CA10: variants seen among roughly 807,000 people sequenced by gnomAD.
The protein encoded by CA10 is carbonic anhydrase 10 (inactive), also known as carbonic anhydrase-related protein 10.
In CA10, 14 loss-of-function variants were observed where a neutral mutation model predicts 44.2. The observed-to-expected ratio is 0.32, with a 90% CI of 0.21 to 0.50. The LOEUF is 0.50. Among genes scored for constraint, CA10 ranks in the 20% least tolerant of loss-of-function variants. CA10 has a pLI of 0.99. For missense variants in CA10, 350 were observed against 409.7 expected (o/e 0.85, Z 1.26); for synonymous variants, 159 against 141.6 (o/e 1.12, Z -0.87).
chr17:51,705,869 G>C (rs562790821), intron 4 of CA10, among the ~76,000 whole-genome samples: 2 of 152,150 alleles, frequency 1.3e-5, no homozygotes, highest in South Asian at 4.2e-4. Context: ...TTTGACCAGG[G>C]GTCTCTGCCA....
At position 52,009,113 on chromosome 17, in the gene CA10, C is replaced by A. The variant is rs549711332; in HGVS notation, c.136+63206G>T. ...AAAGACACTACAAGTCTAAATCTCA[C>A]TCCTTCAAGAGTCAGCCTCCCTCTA... On this transcript the variant is annotated intron_variant, in intron 2 of 8. Transcript: ENST00000451037. 2.0e-5 allele frequency among the ~76,000 whole-genome samples: 3 copies of A among 152,090 alleles called. No homozygotes were observed. In the East Asian group the frequency reaches 5.8e-4, roughly 30 times the overall value.
intron 6 of CA10, among the ~76,000 whole-genome samples, chr17:51,639,652 C>A (rs977623595): frequency 6.6e-6 from 1 of 152,212 alleles, no homozygotes; most frequent in African/African-American, 2.4e-5. Context: ...CATTTTCACT[C>A]CCCACTGTGT....
At chr17:51,851,326 G>A (rs1426865369) in intron 3 of CA10, among the ~76,000 whole-genome samples, 1 of 152,158 alleles carries the variant, frequency 6.6e-6, no homozygotes, top group African/African-American at 2.4e-5. Context: ...CCTGCTCCTG[G>A]ATGAGGACAT....
chr17:51,741,531 G>A (rs1329541856), intron 4 of CA10, among the ~76,000 whole-genome samples: 4 of 152,092 alleles, frequency 2.6e-5, no homozygotes, highest in African/African-American at 7.2e-5. Flanking sequence ...AGTGAATGGA[G>A]GCAACATACT....
At position 52,055,627 on chromosome 17, in the gene CA10, T is replaced by C. The variant is rs77603886; in HGVS notation, c.136+16692A>G. Among the ~76,000 whole-genome samples, 706 of 152,254 alleles carry C rather than the reference T, an allele frequency of 4.6e-3. 4 individuals are homozygous for C. The highest frequency in any genetic ancestry group is 0.01 in the Middle Eastern group (3 of 294). ...ATGTATTGTGAAACTGATATATTAT[T>C]GTGTGATATATTATAAAAAGTCCTA... On this transcript the variant is annotated intron_variant, in intron 2 of 8. Transcript: ENST00000451037.
At chr17:52,041,631 A>G (rs1225333774) in intron 2 of CA10, among the ~76,000 whole-genome samples, 3 of 152,126 alleles carry the variant, frequency 2.0e-5, no homozygotes, top group African/African-American at 7.2e-5. Context: ...AAAGTATACA[A>G]TATGATATTA....
chr17:51,974,348 C>A (rs1470435035), intron 2 of CA10, among the ~76,000 whole-genome samples: 3 of 148,414 alleles, frequency 2.0e-5, no homozygotes, highest in Non-Finnish European at 4.4e-5. Flanking sequence ...CACGTCACTG[C>A]ACTCCAGCCT....
intron 2 of CA10, among the ~76,000 whole-genome samples, chr17:51,959,209 C>CTT (rs112948472): frequency 1.5e-4 from 18 of 122,272 alleles, no homozygotes; most frequent in African/African-American, 2.4e-4. Context: ...GGAAGACATT[C>CTT]TTTTTTTTTT....
At chr17:51,690,018 G>A (rs1449986819) in intron 4 of CA10, among the ~76,000 whole-genome samples, 1 of 151,742 alleles carries the variant, frequency 6.6e-6, no homozygotes, top group Non-Finnish European at 1.5e-5. Context: ...CATGATCTTG[G>A]CTCACTGCAA....
At chr17:52,079,953 G>A (rs1315899203) in intron 1 of CA10, among the ~76,000 whole-genome samples, 2 of 152,164 alleles carry the variant, frequency 1.3e-5, no homozygotes, top group Admixed American at 6.5e-5. Context: ...AGGACACTCA[G>A]AACATTGAGA....
chr17:51,633,430 CTG>C, intron 8 of CA10, 44 bp downstream of exon 8: 1 of 1,559,596 alleles, frequency 6.4e-7, no homozygotes, highest in Non-Finnish European at 8.7e-7. Context: ...AGCAGAAAGA[CTG>C]AGCTCTAGCC....
chr17:52,096,012 G>A (rs1184409394), intron 1 of CA10, among the ~76,000 whole-genome samples: 3 of 152,090 alleles, frequency 2.0e-5, no homozygotes, highest in Non-Finnish European at 4.4e-5. Context: ...GTTTCAATTT[G>A]TTGAACCTTT....
chr17:51,723,758 C>T (rs964740976), intron 4 of CA10, among the ~76,000 whole-genome samples: 4 of 152,204 alleles, frequency 2.6e-5, no homozygotes, highest in African/African-American at 9.6e-5. Flanking sequence ...CTGCTGCATG[C>T]GCTGTGCAAT....
At chr17:51,775,451 G>A (rs1482045414) in intron 3 of CA10, among the ~76,000 whole-genome samples, 3 of 152,128 alleles carry the variant, frequency 2.0e-5, no homozygotes, top group Non-Finnish European at 2.9e-5. Flanking sequence ...GCCATGCAGG[G>A]TACAAGGGGG....
At chr17:51,835,763 G>T (rs1243876183) in intron 3 of CA10, among the ~76,000 whole-genome samples, 1 of 152,164 alleles carries the variant, frequency 6.6e-6, no homozygotes, top group Non-Finnish European at 1.5e-5. Flanking sequence ...TATAACACCT[G>T]CCTTTGATTT....
At chr17:52,084,352 G>C (rs761860906) in intron 1 of CA10, among the ~76,000 whole-genome samples, 3 of 152,066 alleles carry the variant, frequency 2.0e-5, no homozygotes, top group Non-Finnish European at 4.4e-5. Context: ...CCTTCATTCT[G>C]ATTCTGATCC....
chr17:52,017,426 T>G (rs1406184568), intron 2 of CA10, among the ~76,000 whole-genome samples: 1 of 152,128 alleles, frequency 6.6e-6, no homozygotes, highest in East Asian at 1.9e-4. Context: ...GGATCTGGAA[T>G]AAAGTTTACC....
chr17:52,065,206 C>T (rs2143109291), intron 2 of CA10, among the ~76,000 whole-genome samples: 1 of 152,322 alleles, frequency 6.6e-6, no homozygotes, highest in African/African-American at 2.4e-5. Context: ...CTTAGCTTCT[C>T]CTAGATTACA....
At chr17:51,806,490 A>G (rs554378584) in intron 3 of CA10, among the ~76,000 whole-genome samples, 32 of 152,370 alleles carry the variant, frequency 2.1e-4, no homozygotes, top group African/African-American at 7.2e-4. Context: ...CTCACTGAAC[A>G]AGTAAATTAA....
Sources: allele counts gnomAD v4.1 joint callset (sites outside exome capture counted in the v4.1 genomes callset), GRCh38; gene constraint gnomAD v4.1.1; transcripts MANE v1.5; gene names NCBI Gene and HGNC (gene_info 2026-07-23, HGNC 2026-07-21).